Variants in NBEA observed in about 807,000 individuals in gnomAD.
NBEA encodes the protein lysosomal-trafficking regulator 2.
Under a neutral mutation model 343.4 loss-of-function variants are expected in NBEA, and 44 were observed. The observed-to-expected ratio is 0.13, with a 90% confidence interval of 0.10 to 0.16. The LOEUF (loss-of-function observed/expected upper bound fraction) is 0.16, where lower values mean the gene tolerates loss of function less well. Among genes scored for constraint, NBEA ranks in the 10% least tolerant of loss-of-function variants. The pLI is 1.00. For synonymous variants in NBEA, 1,175 were observed against 1,238.7 expected (o/e 0.95, Z 1.08); for missense variants, 2,555 against 3,631.3 (o/e 0.70, Z 7.62).
chr13:34,959,058 A>G (rs2059581182), intron 1 of NBEA, among the ~76,000 whole-genome samples: 1 of 152,150 alleles, frequency 6.6e-6, no homozygotes, highest in Admixed American at 6.6e-5. Flanking sequence ...AAAAATTGAA[A>G]GTATGTTACA....
intron 44 of NBEA, among the ~76,000 whole-genome samples, chr13:35,557,805 C>A (rs1324113959): frequency 2.0e-5 from 3 of 151,932 alleles, no homozygotes; most frequent in Non-Finnish European, 4.4e-5. Context: ...ATGAGCTTAG[C>A]AGAGGGGAGG....
At chr13:35,100,790 A>G (rs1231299436) in intron 11 of NBEA, among the ~76,000 whole-genome samples, 1 of 151,972 alleles carries the variant, frequency 6.6e-6, no homozygotes, top group Non-Finnish European at 1.5e-5. Flanking sequence ...AGACATTTTC[A>G]TATATAATTA....
At chr13:35,518,287 TATCTTA>T (rs1428703794) in intron 41 of NBEA, among the ~76,000 whole-genome samples, 1 of 152,184 alleles carries the variant, frequency 6.6e-6, no homozygotes, top group Non-Finnish European at 1.5e-5. Flanking sequence ...TATTTAGATA[TATCTTA>T]ATCTTAATTA....
At position 35,278,109 on chromosome 13, in the gene NBEA, AAT is replaced by A. The variant is rs755340453; in HGVS notation, c.5777-12268_5777-12267del. On this transcript the variant is annotated intron_variant, in intron 34 of 58. Transcript: ENST00000379939. ...TCTCAAAAAATATATATATATATAA[AAT>A]ATATATATATACATAAAATATATAT... Among the ~76,000 whole-genome samples the A allele has an allele frequency of 4.2e-3, 624 of 147,096 alleles. 10 individuals carry two copies. Among genetic ancestry groups the A allele is most frequent in the African/African-American group, 0.014 (569 of 40,494 alleles).
At chr13:35,326,692 A>T (rs527507386) in intron 36 of NBEA, among the ~76,000 whole-genome samples, 2 of 152,066 alleles carry the variant, frequency 1.3e-5, no homozygotes, top group East Asian at 3.9e-4. Flanking sequence ...GAATGTTAAG[A>T]GTGAGCATTC....
intron 34 of NBEA, among the ~76,000 whole-genome samples, chr13:35,256,793 G>T (rs2032654163): frequency 6.6e-6 from 1 of 152,238 alleles, no homozygotes; most frequent in African/African-American, 2.4e-5. Context: ...CTGCCCAGGA[G>T]TGGGTGCCAG....
chr13:35,500,512 T>C (rs2076843311), intron 41 of NBEA, among the ~76,000 whole-genome samples: 1 of 152,032 alleles, frequency 6.6e-6, no homozygotes, highest in African/African-American at 2.4e-5. Flanking sequence ...TGGTATATAG[T>C]TGTTTGGAGG....
chr13:34,955,780 G>A lies in NBEA; in HGVS notation c.294+12666G>A, dbSNP rs763997077. 2.6e-5 allele frequency among the ~76,000 whole-genome samples: 4 copies of A among 152,206 alleles called. No individual in the cohort carries two copies. The South Asian group carries it at 8.3e-4, about 32-fold the overall frequency. On this transcript the variant is annotated intron_variant, in intron 1 of 58. Coordinates refer to ENST00000379939, the MANE Select transcript of NBEA (RefSeq NM_001385012.1). The stretch of plus-strand genomic sequence containing the variant: ...GAGTTAATTACCCCTTCTTGTAGGA[G>A]GGTCAGCCTTTTGTTCTGTTTAGGC...
intron 34 of NBEA, among the ~76,000 whole-genome samples, chr13:35,247,470 C>T (rs571969249): frequency 6.6e-6 from 1 of 152,240 alleles, no homozygotes; most frequent in South Asian, 2.1e-4. Flanking sequence ...CTGCTGTTTC[C>T]TCTACCCTGT....
intron 45 of NBEA, among the ~76,000 whole-genome samples, chr13:35,579,596 T>G (rs778312981): frequency 3.3e-5 from 5 of 152,056 alleles, no homozygotes; most frequent in Non-Finnish European, 7.4e-5. Context: ...CAAGGTACAA[T>G]CTAAGGTATT....
At chr13:35,189,160 C>T (rs1256547515) in intron 30 of NBEA, among the ~76,000 whole-genome samples, 1 of 152,040 alleles carries the variant, frequency 6.6e-6, no homozygotes, top group African/African-American at 2.4e-5. Flanking sequence ...CCCAAGTGAT[C>T]CACCTGCCTG....
intron 51 of NBEA, 49 bp from the exon 52 acceptor site, chr13:35,649,606 A>C (rs201537905): frequency 4.7e-6 from 7 of 1,474,160 alleles, no homozygotes; most frequent in Non-Finnish European, 6.6e-6. Flanking sequence ...TTCACTAACT[A>C]TGTTATTCCT....
At chr13:35,228,746 C>T (rs2074807845) in intron 33 of NBEA, among the ~76,000 whole-genome samples, 1 of 151,952 alleles carries the variant, frequency 6.6e-6, no homozygotes, top group Admixed American at 6.6e-5. Flanking sequence ...TAGCCAAATT[C>T]AAAATAGTCA....
intron 17 of NBEA, among the ~76,000 whole-genome samples, chr13:35,141,038 C>A (rs74048915): frequency 0.028 from 4,230 of 152,166 alleles, 86 homozygotes; most frequent in South Asian, 0.074. Context: ...TAATCTACAA[C>A]TTTTCTCTTC....
chr13:35,494,697 AAT>A (rs2076612665), intron 41 of NBEA, among the ~76,000 whole-genome samples: 1 of 152,002 alleles, frequency 6.6e-6, no homozygotes, highest in Non-Finnish European at 1.5e-5. Context: ...AATAGCATTA[AAT>A]GTAAATGGAT....
Position 35,391,183 on chromosome 13 carries a change from G to A in NBEA, c.6179+38860G>A, listed in dbSNP as rs1042769028. Reference sequence around the variant, plus strand: ...CCTGCTCCTGGGGATGCTGAGGCAGGAGAATCACTTGAACCCAGGAGGCAG... The same window carrying A: ...CCTGCTCCTGGGGATGCTGAGGCAGAAGAATCACTTGAACCCAGGAGGCAG... On this transcript the variant is annotated intron_variant, in intron 38 of 58. Transcript: ENST00000379939. 2.6e-5 allele frequency among the ~76,000 whole-genome samples: 4 copies of A among 151,866 alleles called. No individual in the cohort carries two copies. The South Asian group carries it at 8.3e-4, about 32-fold the overall frequency.
intron 18 of NBEA, among the ~76,000 whole-genome samples, chr13:35,146,834 A>C (rs1220628347): frequency 6.6e-6 from 1 of 152,082 alleles, no homozygotes; most frequent in Non-Finnish European, 1.5e-5. Flanking sequence ...CTATTATTGA[A>C]TACCACAAAA....
intron 41 of NBEA, among the ~76,000 whole-genome samples, chr13:35,531,614 A>G (rs1325813000): frequency 2.0e-5 from 3 of 152,216 alleles, no homozygotes; most frequent in Non-Finnish European, 2.9e-5. Flanking sequence ...CTCTATGACA[A>G]CTGTTTAAAT....
At chr13:35,511,542 C>T (rs1000472937) in intron 41 of NBEA, among the ~76,000 whole-genome samples, 1 of 152,062 alleles carries the variant, frequency 6.6e-6, no homozygotes, top group Non-Finnish European at 1.5e-5. Context: ...GATTTGTTAT[C>T]CACACATCCA....
Sources: gnomAD v4.1 joint callset for allele counts (sites outside exome capture counted in the v4.1 genomes callset) on GRCh38, gnomAD v4.1.1 for gene constraint, MANE v1.5 for transcripts, NCBI Gene and HGNC (gene_info 2026-07-23, HGNC 2026-07-21) for gene names.